Variants in ZNF107 observed in about 807,000 individuals in gnomAD.
ZNF107 encodes the protein C2H2 type zinc-finger protein.
ZNF107 carries 19 observed loss-of-function variants against 12.3 expected under a neutral mutation model. The observed-to-expected ratio is 1.55, with a 90% CI of 1.08 to 2.27. The LOEUF (loss-of-function observed/expected upper bound fraction) is 2.27, where lower values mean the gene tolerates loss of function less well. Among genes scored for constraint, ZNF107 ranks in the 30% most tolerant of loss-of-function variants. The pLI is 0.00. For missense variants in ZNF107, 958 were observed against 979.9 expected (o/e 0.98, Z 0.30); for synonymous variants, 317 against 330.5 (o/e 0.96, Z 0.44).
chr7:64,669,803 A>C (rs2128955407), intron 1 of ZNF107, among the ~76,000 whole-genome samples: 2 of 152,338 alleles, frequency 1.3e-5, no homozygotes, highest in Admixed American at 1.3e-4. Flanking sequence ...AAAAGAAAAA[A>C]TAATTTCCTT....
At chr7:64,683,305 G>T (rs1789760522) in intron 1 of ZNF107, among the ~76,000 whole-genome samples, 2 of 152,080 alleles carry the variant, frequency 1.3e-5, no homozygotes, top group Admixed American at 1.3e-4. Context: ...CCCTCCTTAA[G>T]GCTGCTCTTC....
In ZNF107 at chr7:64,707,651, T is replaced by A. The variant is rs758338555; in HGVS notation, c.1554T>A (p.Phe518Leu). The A allele has an allele frequency of 3.1e-6, 5 of 1,612,910 alleles. No individual in the cohort carries two copies. In the Admixed American group the frequency reaches 6.7e-5, roughly 22 times the overall value. ...AATGTGAAGAATGTGACAGAGCTTT[T>A]AGCCAGTCTTCAAACCTTACTGAAC... The part of the protein sequence containing the change: ...PYKCEECDRA[F>L]SQSSNLTEHK... Residue 518 changes from phenylalanine to leucine, a missense_variant, in exon 4 of 4, where the codon TTT becomes TTA. By Grantham distance (22) the Phe-to-Leu change is conservative. Coordinates refer to ENST00000620827, the MANE Select transcript of ZNF107 (RefSeq NM_001282359.2).
intron 3 of ZNF107, among the ~76,000 whole-genome samples, chr7:64,700,210 TA>T (rs1291481669): frequency 6.6e-6 from 1 of 152,190 alleles, no homozygotes; most frequent in Non-Finnish European, 1.5e-5. Flanking sequence ...ATGTTGGATG[TA>T]AAACCTGGTG....
At chr7:64,686,118 C>T (rs6973346) in intron 1 of ZNF107, among the ~76,000 whole-genome samples, 52,915 of 151,904 alleles carry the variant, frequency 0.35, 9,732 homozygotes, top group Non-Finnish European at 0.4. Context: ...ACCTCCTAAC[C>T]GTCGAAAAAG....
intron 1 of ZNF107, among the ~76,000 whole-genome samples, chr7:64,685,284 C>T (rs529390969): frequency 6.6e-6 from 1 of 152,186 alleles, no homozygotes; most frequent in East Asian, 1.9e-4. Flanking sequence ...ACCTACTGTT[C>T]CATCAGTGCA....
chr7:64,688,581 C>T (rs1790008251), intron 1 of ZNF107, among the ~76,000 whole-genome samples: 3 of 152,004 alleles, frequency 2.0e-5, no homozygotes, highest in Non-Finnish European at 4.4e-5. Context: ...CTTAAAATAC[C>T]CACAAATGTG....
At chr7:64,698,474 G>C (rs1790367147) in intron 3 of ZNF107, among the ~76,000 whole-genome samples, 1 of 151,442 alleles carries the variant, frequency 6.6e-6, no homozygotes, top group Non-Finnish European at 1.5e-5. Context: ...CCAGGCTAGA[G>C]TGCAGTGGTG....
Position 64,707,238 on chromosome 7 carries a change from T to G in ZNF107, c.1141T>G (p.Ser381Ala). The part of the protein sequence containing the change: ...CEECDKAFNR[S>A]LKLTAHKKIL... ...AGAATGTGACAAAGCTTTTAACCGA[T>G]CCTTAAAACTTACTGCACATAAGAA... is the stretch of plus-strand genomic sequence containing the variant. The change falls in exon 4 of 4, where the codon TCC becomes GCC. Residue 381 changes from serine (S) to alanine (A), a missense_variant. Ser to Ala is a moderately conservative substitution (Grantham distance 99). Coordinates refer to ENST00000620827, the MANE Select transcript of ZNF107 (RefSeq NM_001282359.2). 6.2e-7 allele frequency: 1 copy of G among 1,612,794 alleles called. No homozygotes were observed. Among genetic ancestry groups the G allele is most frequent in the Non-Finnish European group, 8.5e-7 (1 of 1,179,580 alleles).
chr7:64,693,165 A>ATTTTTTTTTTTTTT, intron 3 of ZNF107, among the ~76,000 whole-genome samples: 1 of 110,122 alleles, frequency 9.1e-6, no homozygotes, highest in Non-Finnish European at 1.8e-5. Context: ...CACTCAGCTA[A>ATTTTTTTTTTTTTT]TTTTTTTTTT....
At chr7:64,705,645 G>A (rs1422877722) in intron 3 of ZNF107, among the ~76,000 whole-genome samples, 1 of 150,508 alleles carries the variant, frequency 6.6e-6, no homozygotes, top group Non-Finnish European at 1.5e-5. Flanking sequence ...TAGTGATTCT[G>A]AGAGTCTTTC....
chr7:64,673,836 C>T (rs1002625898), intron 1 of ZNF107, among the ~76,000 whole-genome samples: 7 of 152,138 alleles, frequency 4.6e-5, no homozygotes, highest in Admixed American at 6.5e-5. Context: ...GAATTCTTCC[C>T]GCATTCCTCA....
At chr7:64,680,641 C>T (rs1489123523) in intron 1 of ZNF107, among the ~76,000 whole-genome samples, 1 of 152,182 alleles carries the variant, frequency 6.6e-6, no homozygotes, top group Non-Finnish European at 1.5e-5. Context: ...GCCCATCTGG[C>T]CATAAATCCA....
intron 1 of ZNF107, among the ~76,000 whole-genome samples, chr7:64,675,002 T>C (rs1203721503): frequency 2.0e-5 from 3 of 152,224 alleles, no homozygotes; most frequent in Non-Finnish European, 4.4e-5. Flanking sequence ...CTGGATTCAA[T>C]TTGCCAGTAT....
At chr7:64,686,816 C>T (rs996585467) in intron 1 of ZNF107, 3 of 914,674 alleles carry the variant, frequency 3.3e-6, no homozygotes, top group Non-Finnish European at 1.3e-6. Flanking sequence ...CTCCCTCACA[C>T]CTCCGGGCTG....
intron 1 of ZNF107, among the ~76,000 whole-genome samples, chr7:64,671,813 G>T (rs1584461389): frequency 1.6e-5 from 2 of 126,902 alleles, no homozygotes; most frequent in South Asian, 2.4e-4. Flanking sequence ...GCAGAGTCTC[G>T]CTCTGTTGCC....
At position 64,706,539 on chromosome 7, in the gene ZNF107, A is replaced by C. The variant is rs776755537; in HGVS notation, c.442A>C (p.Asn148His). ...TACCCCAAGCAAAATATTCCAGTGT[A>C]ATAAATATGTGAAAGTCTTTGATAA... Reference protein sequence around the residue: ...TATPSKIFQCNKYVKVFDKFS... With the variant: ...TATPSKIFQCHKYVKVFDKFS... The change falls in exon 4 of 4, where the codon AAT becomes CAT. Residue 148 changes from asparagine (N) to histidine (H), a missense_variant. By Grantham distance (68) the Asn-to-His change is moderately conservative. Transcript: ENST00000620827. 8.1e-6 allele frequency: 13 copies of C among 1,609,616 alleles called. No homozygotes were observed. Among genetic ancestry groups the C allele is most frequent in the South Asian group, 1.1e-5 (1 of 90,232 alleles).
intron 1 of ZNF107, among the ~76,000 whole-genome samples, chr7:64,685,867 C>T (rs939572295): frequency 6.6e-6 from 1 of 152,128 alleles, no homozygotes; most frequent in Non-Finnish European, 1.5e-5. Flanking sequence ...CTTACCAGTC[C>T]CTGTCAGAGC....
At chr7:64,704,207 A>G (rs1223478584) in intron 3 of ZNF107, among the ~76,000 whole-genome samples, 1 of 152,102 alleles carries the variant, frequency 6.6e-6, no homozygotes, top group Non-Finnish European at 1.5e-5. Flanking sequence ...TAATGCTGTG[A>G]AATTCTGTTT....
intron 3 of ZNF107, among the ~76,000 whole-genome samples, chr7:64,704,220 G>A (rs1790567603): frequency 6.6e-6 from 1 of 152,012 alleles, no homozygotes; most frequent in East Asian, 1.9e-4. Flanking sequence ...TTCTGTTTTT[G>A]TATATGTGCA....
Sources: gnomAD v4.1 joint callset for allele counts (sites outside exome capture counted in the v4.1 genomes callset) on GRCh38, gnomAD v4.1.1 for gene constraint, MANE v1.5 for transcripts, NCBI Gene and HGNC (gene_info 2026-07-23, HGNC 2026-07-21) for gene names.